MYH11: variants seen among roughly 807,000 people sequenced by gnomAD.
MYH11 encodes myosin-11.
A neutral mutation model predicts 246.6 loss-of-function variants in MYH11; 80 were observed. The ratio of observed to expected loss-of-function variants is 0.32; its 90% confidence interval spans 0.27 to 0.39. The LOEUF (loss-of-function observed/expected upper bound fraction) is 0.39. MYH11 is among the 10% of genes least tolerant of loss of function. The probability of loss-of-function intolerance (pLI) is 1.00; values close to 1 mark genes in which losing one functional copy is unlikely to be tolerated. For synonymous variants in MYH11, 1,071 were observed against 1,015.5 expected (o/e 1.05, Z -1.04); for missense variants, 2,158 against 2,546.8 (o/e 0.85, Z 3.29).
chr16:15,754,887 T>C (rs1023866106), intron 14 of MYH11, among the ~76,000 whole-genome samples: 1 of 152,222 alleles, frequency 6.6e-6, no homozygotes, highest in African/African-American at 2.4e-5. Flanking sequence ...GCTTTCGCCA[T>C]GTTGGCCAGG....
At chr16:15,803,715 A>G (rs2042942901) in intron 3 of MYH11, among the ~76,000 whole-genome samples, 1 of 152,062 alleles carries the variant, frequency 6.6e-6, no homozygotes, top group Non-Finnish European at 1.5e-5. Context: ...CTTCAGGGAG[A>G]GAGGCAGGCT....
At chr16:15,782,778 G>A (rs530384308) in intron 5 of MYH11, 6 of 405,300 alleles carry the variant, frequency 1.5e-5, no homozygotes, top group South Asian at 6.9e-5. Flanking sequence ...GCACAATGTC[G>A]GTGATGTCAT....
At chr16:15,717,899 C>A in intron 37 of MYH11, 1 of 288,152 alleles carries the variant, frequency 3.5e-6, no homozygotes, top group Non-Finnish European at 6.7e-6. Flanking sequence ...GATGCCTGTT[C>A]ACCCTACACC....
rs1434248207 is a variant in MYH11 at position 15,721,025 on chromosome 16, C to A, written c.4605G>T (p.Arg1535=). 2 of 1,614,062 alleles carry A rather than the reference C, an allele frequency of 1.2e-6. No homozygotes were observed. Among genetic ancestry groups the A allele is most frequent in the East Asian group, 4.5e-5 (2 of 44,866 alleles). Residue 1535 remains arginine, a synonymous_variant, in exon 33 of 41, where the codon CGG becomes CGT. Coordinates refer to ENST00000300036, the MANE Select transcript of MYH11 (RefSeq NM_002474.3). ...TCTCCTCCATCTGGGTCTCCAGGGC[C>A]CGCTTGGACTTCTCCAGCTCATGGA... is the stretch of plus-strand genomic sequence containing the variant. ...KNVHELEKSK[R]ALETQMEEMK... is the part of the protein sequence containing the mutation.
At position 15,750,361 on chromosome 16, in the gene MYH11, C is replaced by T. The variant is rs1216397417; in HGVS notation, c.1865-30G>A. The T allele has an allele frequency of 3.8e-6, 6 of 1,561,106 alleles. No individual in the cohort carries two copies. Among genetic ancestry groups the T allele is most frequent in the Non-Finnish European group, 5.2e-6 (6 of 1,156,034 alleles). On this transcript the variant is annotated intron_variant, in intron 15 of 40. Coordinates refer to ENST00000300036, the MANE Select transcript of MYH11 (RefSeq NM_002474.3). The surrounding 1 kb of genome is among the most constrained non-coding windows in gnomAD (Gnocchi z 4.3). ...GGGGCACAGCCAGGGTGGCATCAGC[C>T]TCTGGCCCACCCACCCCTAAATAGG...
At chr16:15,817,680 T>C (rs770577413) in intron 3 of MYH11, among the ~76,000 whole-genome samples, 26 of 152,144 alleles carry the variant, frequency 1.7e-4, no homozygotes, top group Non-Finnish European at 2.6e-4. Context: ...GTCCCTCCCA[T>C]TTTCCCAACT....
At chr16:15,731,950 G>A (rs1161134481) in intron 27 of MYH11, among the ~76,000 whole-genome samples, 1 of 151,624 alleles carries the variant, frequency 6.6e-6, no homozygotes, top group Admixed American at 6.6e-5. Context: ...TACCAGGCCT[G>A]GCCAATATTT....
At chr16:15,776,213 C>T (rs760562908) in intron 7 of MYH11, 37 bp from the exon 8 acceptor site, 29 of 1,413,686 alleles carry the variant, frequency 2.1e-5, no homozygotes, top group Admixed American at 8.4e-5. Context: ...GGGGATACTG[C>T]GGGTGTTCCT....
intron 4 of MYH11, among the ~76,000 whole-genome samples, chr16:15,789,343 C>T (rs922283981): frequency 1.3e-5 from 2 of 152,152 alleles, no homozygotes; most frequent in Non-Finnish European, 2.9e-5. Flanking sequence ...AGGCTTTGGG[C>T]TCACAGATCT....
Position 15,750,418 on chromosome 16 carries a change from C to T in MYH11, c.1865-87G>A. ...GCTCAGCCCCAGCCCCACCCACCAA[C>T]CTGCCCACTCCAATCTTTCCTTCCA... On this transcript the variant is annotated intron_variant, in intron 15 of 40. Transcript: ENST00000300036. This position sits in a 1 kb window ranked among gnomAD's most constrained non-coding sequence, Gnocchi z 4.3. The T allele has an allele frequency of 2.3e-6, 3 of 1,276,866 alleles. No homozygotes were observed. Among genetic ancestry groups the T allele is most frequent in the Middle Eastern group, 2.5e-4 (1 of 3,990 alleles). The allele number at this position is 1,276,866 out of a possible 1,614,324, so 79.1% of individuals were successfully genotyped here.
At chr16:15,736,032 T>A (rs780946979) in intron 25 of MYH11, among the ~76,000 whole-genome samples, 24 of 152,200 alleles carry the variant, frequency 1.6e-4, no homozygotes, top group Non-Finnish European at 3.1e-4. Flanking sequence ...ATATTCAGAC[T>A]GGGGCTCTGC....
chr16:15,732,498 G>A (rs1020227576), intron 27 of MYH11, 66 bp downstream of exon 27: 9 of 1,608,740 alleles, frequency 5.6e-6, no homozygotes, highest in Non-Finnish European at 7.7e-6. Flanking sequence ...CTGACCTGTA[G>A]TAATTTGAGG....
At chr16:15,731,731 G>GT (rs1355365126) in intron 27 of MYH11, among the ~76,000 whole-genome samples, 1 of 151,938 alleles carries the variant, frequency 6.6e-6, no homozygotes, top group Non-Finnish European at 1.5e-5. Flanking sequence ...GAGCTCAAGT[G>GT]ATTTGCCCGC....
intron 1 of MYH11, among the ~76,000 whole-genome samples, chr16:15,840,329 G>T (rs1055200449): frequency 5.3e-5 from 8 of 152,154 alleles, no homozygotes; most frequent in African/African-American, 1.9e-4. Context: ...GATGATAAAT[G>T]TCATTATATA....
rs1036905236 is a variant in MYH11, at chr16:15,813,881, G to A, written c.502+9374C>T. Among the ~76,000 whole-genome samples the A allele has an allele frequency of 3.7e-4, 56 of 151,844 alleles. 2 individuals carry two copies. Among genetic ancestry groups the A allele is most frequent in the East Asian group, 3.9e-4 (2 of 5,174 alleles). On this transcript the variant is annotated intron_variant, in intron 3 of 40. Coordinates refer to ENST00000300036, the MANE Select transcript of MYH11 (RefSeq NM_002474.3). Reference sequence around the variant, plus strand: ...AAAAAAAAGTGTAAAAAGGCCGGGCGTGGTGGTTCACGCCTGTAATCCCAG... The same window carrying A: ...AAAAAAAAGTGTAAAAAGGCCGGGCATGGTGGTTCACGCCTGTAATCCCAG...
At chr16:15,717,476 CT>C in intron 37 of MYH11, 128 bp from the exon 38 acceptor site, 1 of 924,342 alleles carries the variant, frequency 1.1e-6, no homozygotes, top group East Asian at 2.6e-5. Context: ...CTGTCCTCTC[CT>C]TCATCCTGTA....
chr16:15,780,890 C>T (rs555866059), intron 6 of MYH11, among the ~76,000 whole-genome samples: 1 of 152,278 alleles, frequency 6.6e-6, no homozygotes, highest in Non-Finnish European at 1.5e-5. Flanking sequence ...TTCTTTGGTT[C>T]AGCGCTTCAC....
chr16:15,763,741 T>TCGGGGGCCCCCCCCCCC, intron 10 of MYH11, 55 bp downstream of exon 10: 2 of 646,860 alleles, frequency 3.1e-6, no homozygotes, highest in East Asian at 3.2e-5. Context: ...AAATGTCACC[T>TCGGGGGCCCCCCCCCCC]CCCCCACCCC....
At chr16:15,854,032 AAAAC>A (rs954792366) in intron 1 of MYH11, among the ~76,000 whole-genome samples, 3 of 152,304 alleles carry the variant, frequency 2.0e-5, no homozygotes, top group South Asian at 2.1e-4. Context: ...CTCTGTCTCA[AAAAC>A]AAACAAACAA....
Sources: allele counts gnomAD v4.1 joint callset (sites outside exome capture counted in the v4.1 genomes callset), GRCh38; gene constraint gnomAD v4.1.1; non-coding constraint Gnocchi (gnomAD v3.1); transcripts MANE v1.5; gene names NCBI Gene and HGNC (gene_info 2026-07-23, HGNC 2026-07-21).